NOVA1: variants seen among roughly 807,000 people sequenced by gnomAD.
NOVA1 encodes the protein RNA-binding protein Nova-1.
Under a neutral mutation model 38.0 loss-of-function variants are expected in NOVA1, and 7 were observed. The observed-to-expected ratio is 0.18, with a 90% confidence interval of 0.10 to 0.35. The LOEUF is 0.35. NOVA1 is among the 10% of genes least tolerant of loss of function. NOVA1 has a pLI of 1.00. For missense variants in NOVA1, 460 were observed against 616.0 expected, an observed-to-expected ratio of 0.75 and a Z score of 2.68; for synonymous variants, 270 against 232.5, an observed-to-expected ratio of 1.16 and a Z score of -1.47.
chr14:26,574,281 GCC>G (rs1199403395), intron 2 of NOVA1, among the ~76,000 whole-genome samples: 3 of 29,638 alleles, frequency 1.0e-4, no homozygotes, highest in Admixed American at 3.8e-4. Context: ...CCCCCCCCCC[GCC>G]CCCTCGGCCT....
chr14:26,543,355 A>G (rs1890588448), intron 2 of NOVA1, among the ~76,000 whole-genome samples: 1 of 152,030 alleles, frequency 6.6e-6, no homozygotes. Context: ...TCATTAATTA[A>G]GCATATAATG....
chr14:26,596,983 C>T, intron 1 of NOVA1: 1 of 1,229,722 alleles, frequency 8.1e-7, no homozygotes, highest in Non-Finnish European at 1.0e-6. Flanking sequence ...CCTGAATGGA[C>T]CTTCTTGCCC....
chr14:26,548,861 C>T (rs553157363), intron 2 of NOVA1, among the ~76,000 whole-genome samples: 3 of 151,800 alleles, frequency 2.0e-5, no homozygotes, highest in African/African-American at 7.2e-5. Context: ...AATCCCAGCA[C>T]TTCAGGAGAC....
At chr14:26,463,959 T>C (rs531647635) in intron 4 of NOVA1, among the ~76,000 whole-genome samples, 13 of 152,316 alleles carry the variant, frequency 8.5e-5, no homozygotes, top group Non-Finnish European at 1.3e-4. Flanking sequence ...TATTTGTTCA[T>C]TTAAAAGTCA....
At chr14:26,590,558 A>C (rs2138808994) in intron 2 of NOVA1, among the ~76,000 whole-genome samples, 1 of 152,022 alleles carries the variant, frequency 6.6e-6, no homozygotes, top group East Asian at 1.9e-4. Context: ...CTGAAGCCAG[A>C]GCAAAAAACT....
intron 2 of NOVA1, among the ~76,000 whole-genome samples, chr14:26,518,084 T>A (rs178179): frequency 0.95 from 144,693 of 152,094 alleles, 69,218 homozygotes; most frequent in East Asian, 1. Flanking sequence ...ATTTATGCCA[T>A]ATAATTCATT....
chr14:26,596,147 G>T, intron 1 of NOVA1: 1 of 235,922 alleles, frequency 4.2e-6, no homozygotes, highest in Non-Finnish European at 8.5e-6. Context: ...AAATAACTCA[G>T]TGTGGTGGAC....
chr14:26,521,136 C>T (rs1350111414), intron 2 of NOVA1, among the ~76,000 whole-genome samples: 1 of 151,820 alleles, frequency 6.6e-6, no homozygotes, highest in Non-Finnish European at 1.5e-5. Context: ...AAAATCAATG[C>T]TCATTTGAGG....
intron 2 of NOVA1, among the ~76,000 whole-genome samples, chr14:26,524,358 T>C (rs1889143735): frequency 6.6e-6 from 1 of 152,186 alleles, no homozygotes; most frequent in Admixed American, 6.5e-5. Flanking sequence ...TTACTTGTAT[T>C]TGTGGATGCA....
chr14:26,563,393 T>C (rs1891944918), intron 2 of NOVA1, among the ~76,000 whole-genome samples: 1 of 150,978 alleles, frequency 6.6e-6, no homozygotes, highest in African/African-American at 2.4e-5. Context: ...TAAGAACTTT[T>C]AGAAAATGAA....
In NOVA1 at chr14:26,443,601, A is replaced by G. The variant is rs1229782838; in HGVS notation, c.*4358T>C. The G allele has an allele frequency of 3.9e-5, 6 of 152,498 alleles. No individual in the cohort carries two copies. The highest frequency in any genetic ancestry group is 1.4e-4 in the African/African-American group (6 of 41,566). 9.4% of individuals were successfully genotyped at this position (152,498 alleles called of 1,614,324 possible). A position where few individuals can be genotyped will look rare whatever the true frequency, so the allele number is the denominator to read the frequency against. On this transcript the variant is annotated 3_prime_UTR_variant, in exon 5 of 5. Coordinates refer to ENST00000539517, the MANE Select transcript of NOVA1 (RefSeq NM_002515.3). ...CACATATCTGATGAAACAAAAAATAACATGCAGATTTCCAAATATAATCTG... is the reference window on the plus strand; with the variant it reads ...CACATATCTGATGAAACAAAAAATAGCATGCAGATTTCCAAATATAATCTG...
Position 26,597,694 on chromosome 14 carries a change from G to C in NOVA1, c.-258C>G. The C allele has an allele frequency of 8.6e-7, 1 of 1,161,968 alleles. No homozygotes were observed. Among genetic ancestry groups the C allele is most frequent in the Non-Finnish European group, 1.1e-6 (1 of 946,480 alleles). The allele number at this position is 1,161,968 out of a possible 1,614,324, so 72.0% of individuals were successfully genotyped here. A position where few individuals can be genotyped will look rare whatever the true frequency, so the allele number is the denominator to read the frequency against. ...AGACAGGGGAATGGAGGGGGTGTGA[G>C]AGACGGAGGGTGAAAGAAGAAGAAG... On this transcript the variant is annotated 5_prime_UTR_variant, in exon 1 of 5. Transcript: ENST00000539517.
intron 2 of NOVA1, among the ~76,000 whole-genome samples, chr14:26,574,825 T>TA (rs199655019): frequency 6.6e-6 from 1 of 151,930 alleles, no homozygotes; most frequent in Non-Finnish European, 1.5e-5. Context: ...CCCACTAATT[T>TA]AAAAAAATTT....
chr14:26,544,491 T>C (rs753674285), intron 2 of NOVA1, among the ~76,000 whole-genome samples: 144 of 151,552 alleles, frequency 9.5e-4, no homozygotes, highest in Non-Finnish European at 1.8e-3. Context: ...AAAAAAAAAT[T>C]AATGCAACAG....
intron 3 of NOVA1, among the ~76,000 whole-genome samples, chr14:26,478,304 AAAT>A (rs540258837): frequency 1.6e-3 from 238 of 152,050 alleles, no homozygotes; most frequent in Admixed American, 3.9e-3. Context: ...TTCTTATAAA[AAAT>A]AATAATAATT....
Position 26,558,118 on chromosome 14 carries a change from G to A in NOVA1, c.280+37292C>T, listed in dbSNP as rs571317813. Among the ~76,000 whole-genome samples the A allele has an allele frequency of 2.0e-5, 3 of 151,982 alleles. No homozygotes were observed. In the South Asian group the frequency reaches 6.2e-4, roughly 32 times the overall value. On this transcript the variant is annotated intron_variant, in intron 2 of 4. Coordinates refer to ENST00000539517, the MANE Select transcript of NOVA1 (RefSeq NM_002515.3). ...CAGTGGTTACCAAGGGTGCCTCGGA[G>A]GGAAAAAAGGGGAAATGGACAGGTA... is the stretch of plus-strand genomic sequence containing the variant.
chr14:26,575,165 A>G (rs1368167642), intron 2 of NOVA1, among the ~76,000 whole-genome samples: 1 of 152,226 alleles, frequency 6.6e-6, no homozygotes, highest in Non-Finnish European at 1.5e-5. Context: ...ATAAAAGTTC[A>G]AATTGCTTGA....
intron 2 of NOVA1, among the ~76,000 whole-genome samples, chr14:26,553,816 C>T (rs1416791783): frequency 6.6e-6 from 1 of 151,896 alleles, no homozygotes; most frequent in Non-Finnish European, 1.5e-5. Context: ...GTACATGTAC[C>T]TCATCAGAGA....
chr14:26,586,709 A>G (rs1893534054), intron 2 of NOVA1, among the ~76,000 whole-genome samples: 1 of 151,234 alleles, frequency 6.6e-6, no homozygotes, highest in African/African-American at 2.4e-5. Flanking sequence ...CCATAAAAAC[A>G]CTGCCACTTT....
Sources: allele counts gnomAD v4.1 joint callset (sites outside exome capture counted in the v4.1 genomes callset), GRCh38; gene constraint gnomAD v4.1.1; transcripts MANE v1.5; gene names NCBI Gene and HGNC (gene_info 2026-07-23, HGNC 2026-07-21).